VPS13B: variants seen among roughly 807,000 people sequenced by gnomAD.
The protein encoded by VPS13B is intermembrane lipid transfer protein VPS13B.
In VPS13B, 285 loss-of-function variants were observed where a neutral mutation model predicts 426.4. The observed-to-expected ratio is 0.67, with a 90% CI of 0.61 to 0.74. VPS13B has a LOEUF of 0.74. Among genes scored for constraint, VPS13B ranks in the 30% least tolerant of loss-of-function variants. The probability of loss-of-function intolerance (pLI) is 0.00; values close to 1 mark genes in which losing one functional copy is unlikely to be tolerated. For synonymous variants in VPS13B, 1,676 were observed against 1,676.4 expected (o/e 1.00, Z 0.01); for missense variants, 4,537 against 4,782.6 (o/e 0.95, Z 1.51).
At chr8:99,301,854 T>C (rs866434697) in intron 19 of VPS13B, among the ~76,000 whole-genome samples, 3 of 152,182 alleles carry the variant, frequency 2.0e-5, no homozygotes, top group Middle Eastern at 3.4e-3. Context: ...CTCAAACTCT[T>C]GGGCTCAAGA....
chr8:99,241,947 G>A (rs1383139421), intron 17 of VPS13B, among the ~76,000 whole-genome samples: 2 of 152,060 alleles, frequency 1.3e-5, no homozygotes, highest in African/African-American at 4.8e-5. Flanking sequence ...CATTGCTTAT[G>A]AAGCAGTGAT....
chr8:99,824,104 A>G, intron 51 of VPS13B, 126 bp downstream of exon 51: 1 of 1,203,384 alleles, frequency 8.3e-7, no homozygotes, highest in Non-Finnish European at 1.2e-6. Flanking sequence ...AAATTCACTT[A>G]TTTTTGTTGT....
intron 59 of VPS13B, among the ~76,000 whole-genome samples, chr8:99,869,201 T>C (rs1158166555): frequency 6.6e-6 from 1 of 152,246 alleles, no homozygotes; most frequent in East Asian, 1.9e-4. Context: ...GGTGTCATCA[T>C]TTTGGTAATG....
intron 42 of VPS13B, among the ~76,000 whole-genome samples, chr8:99,781,575 C>A (rs983887236): frequency 6.6e-6 from 1 of 152,150 alleles, no homozygotes; most frequent in Non-Finnish European, 1.5e-5. Context: ...ATGAACTCCA[C>A]AGATGAAGCA....
chr8:99,114,028 TC>T (rs1847519789), intron 6 of VPS13B, among the ~76,000 whole-genome samples: 1 of 152,200 alleles, frequency 6.6e-6, no homozygotes, highest in Non-Finnish European at 1.5e-5. Context: ...ATTTAACATT[TC>T]TCCTGTTTTT....
chr8:99,646,263 T>G (rs1473559101), intron 34 of VPS13B, among the ~76,000 whole-genome samples: 1 of 152,114 alleles, frequency 6.6e-6, no homozygotes, highest in African/African-American at 2.4e-5. Context: ...ATTTGTAATC[T>G]CAGCACTTTG....
At chr8:99,164,077 C>T (rs563743264) in intron 15 of VPS13B, among the ~76,000 whole-genome samples, 4 of 152,294 alleles carry the variant, frequency 2.6e-5, no homozygotes, top group African/African-American at 9.6e-5. Context: ...TGGTGTCCTT[C>T]AGAGGGGAAC....
intron 24 of VPS13B, among the ~76,000 whole-genome samples, chr8:99,469,865 G>A (rs532556308): frequency 6.6e-6 from 1 of 152,262 alleles, no homozygotes; most frequent in Non-Finnish European, 1.5e-5. Flanking sequence ...GGAAGATGAT[G>A]TAAAGATACA....
intron 19 of VPS13B, among the ~76,000 whole-genome samples, chr8:99,343,673 A>G (rs1343021100): frequency 6.6e-6 from 1 of 152,200 alleles, no homozygotes; most frequent in African/African-American, 2.4e-5. Flanking sequence ...GGAAATTAAG[A>G]AAGCAATTCA....
Position 99,741,664 on chromosome 8 carries a change from A to T in VPS13B, c.7050+20617A>T, listed in dbSNP as rs555338213. Among the ~76,000 whole-genome samples, 359 of 152,354 alleles carry T rather than the reference A, an allele frequency of 2.4e-3. 2 individuals are homozygous for T. The highest frequency in any genetic ancestry group is 8.4e-3 in the African/African-American group (351 of 41,578). On this transcript the variant is annotated intron_variant, in intron 39 of 61. Transcript: ENST00000357162. ...GCAATCAAACTAGAACTCAGGATTA[A>T]GAAACTCACTCAAAACCACTCAACT...
chr8:99,442,892 T>G (rs1817744555), intron 23 of VPS13B, among the ~76,000 whole-genome samples: 1 of 152,080 alleles, frequency 6.6e-6, no homozygotes, highest in Non-Finnish European at 1.5e-5. Context: ...GTAGGAAAAA[T>G]TAACTTGGGA....
chr8:99,695,110 C>A (rs1190488125), intron 35 of VPS13B, among the ~76,000 whole-genome samples: 3 of 150,376 alleles, frequency 2.0e-5, no homozygotes, highest in Non-Finnish European at 4.4e-5. Flanking sequence ...GGACTGTAAA[C>A]TAGTTCAACC....
intron 39 of VPS13B, among the ~76,000 whole-genome samples, chr8:99,741,822 G>A (rs867730420): frequency 6.6e-6 from 1 of 152,252 alleles, no homozygotes; most frequent in South Asian, 2.1e-4. Context: ...CACATTCAAA[G>A]CAGTGTGTAG....
chr8:99,849,113 G>C (rs1299138903), intron 55 of VPS13B, among the ~76,000 whole-genome samples: 1 of 152,158 alleles, frequency 6.6e-6, no homozygotes, highest in African/African-American at 2.4e-5. Context: ...TTCTGTGGTA[G>C]GGTTAACAAA....
chr8:99,827,479 G>T (rs1588754612), intron 51 of VPS13B, among the ~76,000 whole-genome samples: 1 of 147,530 alleles, frequency 6.8e-6, no homozygotes, highest in Non-Finnish European at 1.5e-5. Context: ...TATTGGTCTG[G>T]CCAGCAGTCT....
intron 19 of VPS13B, among the ~76,000 whole-genome samples, chr8:99,334,224 A>G (rs1563673140): frequency 1.3e-5 from 2 of 152,154 alleles, no homozygotes; most frequent in Non-Finnish European, 1.5e-5. Context: ...TTCCATTCAT[A>G]TCTTTGCCAA....
chr8:99,863,540 C>G (rs1048186380), intron 58 of VPS13B, among the ~76,000 whole-genome samples: 1 of 152,138 alleles, frequency 6.6e-6, no homozygotes, highest in African/African-American at 2.4e-5. Context: ...TCCACCCCAA[C>G]CCCCGACTCC....
intron 17 of VPS13B, among the ~76,000 whole-genome samples, chr8:99,247,684 A>C (rs1467324395): frequency 6.6e-6 from 1 of 152,210 alleles, no homozygotes; most frequent in Non-Finnish European, 1.5e-5. Context: ...AACTACATAA[A>C]TTTTGTTCAA....
At chr8:99,410,218 A>G (rs1448077099) in intron 21 of VPS13B, among the ~76,000 whole-genome samples, 1 of 152,206 alleles carries the variant, frequency 6.6e-6, no homozygotes, top group African/African-American at 2.4e-5. Context: ...AGTTTTCACT[A>G]TCTCTTGGTA....
Sources: allele counts gnomAD v4.1 joint callset (sites outside exome capture counted in the v4.1 genomes callset), GRCh38; gene constraint gnomAD v4.1.1; transcripts MANE v1.5; gene names NCBI Gene and HGNC (gene_info 2026-07-23, HGNC 2026-07-21).